CNTN3: variants seen among roughly 807,000 people sequenced by gnomAD.
CNTN3 encodes the protein contactin-3.
Under a neutral mutation model 119.1 loss-of-function variants are expected in CNTN3, and 60 were observed. The observed-to-expected ratio is 0.50, with a 90% CI of 0.41 to 0.62. The LOEUF is 0.62. Among genes scored for constraint, CNTN3 ranks in the 20% least tolerant of loss-of-function variants. CNTN3 has a pLI of 0.00. For missense variants in CNTN3, 1,101 were observed against 1,242.4 expected (o/e 0.89, Z 1.71); for synonymous variants, 450 against 438.7 (o/e 1.03, Z -0.32).
intron 13 of CNTN3, among the ~76,000 whole-genome samples, chr3:74,315,016 A>T (rs752577739): frequency 6.6e-6 from 1 of 152,210 alleles, no homozygotes; most frequent in Non-Finnish European, 1.5e-5. Context: ...AAATGTAGTA[A>T]AGAAGCCAGC....
chr3:74,536,900 T>C (rs889677503), intron 1 of CNTN3, among the ~76,000 whole-genome samples: 5 of 151,962 alleles, frequency 3.3e-5, no homozygotes, highest in African/African-American at 1.2e-4. Flanking sequence ...AGAGGGGTGG[T>C]GGCACTGAGC....
chr3:74,337,537 A>C (rs1703427022), intron 11 of CNTN3, among the ~76,000 whole-genome samples: 1 of 152,096 alleles, frequency 6.6e-6, no homozygotes, highest in Non-Finnish European at 1.5e-5. Flanking sequence ...AAAAGGTGAA[A>C]TGCATGTCTT....
intron 4 of CNTN3, among the ~76,000 whole-genome samples, chr3:74,427,407 T>A (rs1186536437): frequency 6.6e-6 from 1 of 152,174 alleles, no homozygotes; most frequent in Non-Finnish European, 1.5e-5. Context: ...CATAGATGCA[T>A]AAGAACATAC....
chr3:74,396,040 A>G (rs968769427), intron 5 of CNTN3, among the ~76,000 whole-genome samples: 14 of 152,248 alleles, frequency 9.2e-5, no homozygotes, highest in Admixed American at 3.3e-4. Context: ...TGATTACTCT[A>G]CTAACTGGTG....
intron 5 of CNTN3, among the ~76,000 whole-genome samples, chr3:74,381,457 C>CTTTAT (rs1229207716): frequency 6.6e-6 from 1 of 152,108 alleles, no homozygotes; most frequent in Admixed American, 6.6e-5. Flanking sequence ...CAGTAGGTCT[C>CTTTAT]TATAAATGCT....
intron 13 of CNTN3, among the ~76,000 whole-genome samples, chr3:74,323,610 T>C (rs1703050790): frequency 6.6e-6 from 1 of 152,186 alleles, no homozygotes; most frequent in African/African-American, 2.4e-5. Flanking sequence ...GGGAATCACA[T>C]CTCAATAAAG....
At chr3:74,429,626 G>T (rs1448177093) in intron 4 of CNTN3, among the ~76,000 whole-genome samples, 1 of 152,040 alleles carries the variant, frequency 6.6e-6, no homozygotes, top group Admixed American at 6.6e-5. Context: ...TAAAAGGAAG[G>T]ACCAATAAAC....
At chr3:74,609,812 A>G (rs1705050690) in intron 1 of CNTN3, among the ~76,000 whole-genome samples, 1 of 152,212 alleles carries the variant, frequency 6.6e-6, no homozygotes, top group South Asian at 2.1e-4. Flanking sequence ...GCAATAATGC[A>G]TAAAATAGAT....
intron 1 of CNTN3, among the ~76,000 whole-genome samples, chr3:74,590,237 T>C (rs896649125): frequency 1.7e-4 from 26 of 152,026 alleles, no homozygotes; most frequent in Non-Finnish European, 8.8e-5. Flanking sequence ...GAGTGGAGGA[T>C]AGAGGCTTGA....
In CNTN3 at chr3:74,388,123, G is replaced by A. The variant is rs1038979883; in HGVS notation, c.455-16724C>T. ...AGTCATTAGTCCATCACACTGCCAG[G>A]AGAGTGTCTGATACATGTAATTTCA... On this transcript the variant is annotated intron_variant, in intron 5 of 22. Coordinates refer to ENST00000263665, the MANE Select transcript of CNTN3 (RefSeq NM_020872.3). Among the ~76,000 whole-genome samples the A allele has an allele frequency of 3.3e-5, 5 of 152,252 alleles. No homozygotes were observed. The East Asian group carries it at 5.8e-4, about 18-fold the overall frequency.
At chr3:74,517,837 C>G (rs1320213017) in intron 2 of CNTN3, among the ~76,000 whole-genome samples, 1 of 152,036 alleles carries the variant, frequency 6.6e-6, no homozygotes, top group African/African-American at 2.4e-5. Context: ...CAGGCAAACA[C>G]CTCCCTATCC....
At chr3:74,353,862 G>A (rs563595615) in intron 11 of CNTN3, among the ~76,000 whole-genome samples, 21 of 152,180 alleles carry the variant, frequency 1.4e-4, no homozygotes, top group Non-Finnish European at 2.8e-4. Context: ...TTTAACAGAT[G>A]AATGCAGTCA....
At chr3:74,549,302 G>A (rs980410479) in intron 1 of CNTN3, among the ~76,000 whole-genome samples, 3 of 152,116 alleles carry the variant, frequency 2.0e-5, no homozygotes, top group African/African-American at 7.2e-5. Flanking sequence ...CTTCCGTCAC[G>A]ATTGTAAGTT....
At chr3:74,594,211 T>C (rs1704752306) in intron 1 of CNTN3, among the ~76,000 whole-genome samples, 1 of 151,660 alleles carries the variant, frequency 6.6e-6, no homozygotes, top group South Asian at 2.1e-4. Flanking sequence ...ATTCCACCAG[T>C]CTCTAGCACT....
In CNTN3 at chr3:74,380,790, T is replaced by C. The variant is rs181442760; in HGVS notation, c.455-9391A>G. 7.9e-5 allele frequency among the ~76,000 whole-genome samples: 12 copies of C among 152,300 alleles called. No individual in the cohort carries two copies. The East Asian group carries it at 2.3e-3, about 29-fold the overall frequency. Reference sequence around the variant, plus strand: ...ATAATTAAGGGCTAGTGAATAAAGGTGCTGCGTCACAATAACACTGTCCAT... The same window carrying C: ...ATAATTAAGGGCTAGTGAATAAAGGCGCTGCGTCACAATAACACTGTCCAT... On this transcript the variant is annotated intron_variant, in intron 5 of 22. Transcript: ENST00000263665.
intron 19 of CNTN3, among the ~76,000 whole-genome samples, chr3:74,288,379 GA>G (rs1397512977): frequency 2.0e-5 from 3 of 151,740 alleles, no homozygotes; most frequent in Admixed American, 2.0e-4. Context: ...TCCTGGACTC[GA>G]ACTCCTGACC....
intron 11 of CNTN3, among the ~76,000 whole-genome samples, chr3:74,359,612 C>T (rs1704032125): frequency 6.6e-6 from 1 of 152,114 alleles, no homozygotes; most frequent in East Asian, 1.9e-4. Flanking sequence ...GATCCTGGAA[C>T]TTACACACTT....
intron 5 of CNTN3, among the ~76,000 whole-genome samples, chr3:74,377,377 A>T (rs115397553): frequency 1.9e-3 from 294 of 152,258 alleles, no homozygotes; most frequent in African/African-American, 6.9e-3. Flanking sequence ...TATAGTAAAA[A>T]AGTCTACGGT....
intron 4 of CNTN3, among the ~76,000 whole-genome samples, chr3:74,426,841 T>A (rs1701703258): frequency 6.6e-6 from 1 of 152,198 alleles, no homozygotes; most frequent in African/African-American, 2.4e-5. Flanking sequence ...GTACCTCATA[T>A]CAGAATGTAG....
Sources: allele counts gnomAD v4.1 joint callset (sites outside exome capture counted in the v4.1 genomes callset), GRCh38; gene constraint gnomAD v4.1.1; transcripts MANE v1.5; gene names NCBI Gene and HGNC (gene_info 2026-07-23, HGNC 2026-07-21).